Variants in GPM6B observed in about 807,000 individuals in gnomAD.
The protein encoded by GPM6B is neuronal membrane glycoprotein M6-b.
Under a neutral mutation model 27.2 loss-of-function variants are expected in GPM6B, and 4 were observed. The observed-to-expected ratio is 0.15, with a 90% CI of 0.07 to 0.34. The LOEUF (loss-of-function observed/expected upper bound fraction) is 0.34, where lower values mean the gene tolerates loss of function less well. GPM6B is among the 10% of genes least tolerant of loss of function. The pLI is 1.00. For synonymous variants in GPM6B, 124 were observed against 103.1 expected (o/e 1.20, Z -1.23); for missense variants, 183 against 261.9 (o/e 0.70, Z 2.08).
chrX:13,807,797 G>A, intron 1 of GPM6B, 28 bp from the exon 2 acceptor site: 1 of 1,170,593 alleles, frequency 8.5e-7, no homozygotes, highest in Non-Finnish European at 1.2e-6. Context: ...CAAAGAGTCA[G>A]TGTCTCTATC....
At chrX:13,929,364 A>T (rs1203264609) in intron 1 of GPM6B, among the ~76,000 whole-genome samples, 3 of 110,855 alleles carry the variant, frequency 2.7e-5, no homozygotes, top group Non-Finnish European at 3.8e-5. Flanking sequence ...TCCAAGGAAG[A>T]ATGACTTAGG....
intron 1 of GPM6B, among the ~76,000 whole-genome samples, chrX:13,829,815 T>C (rs16979296): frequency 0.04 from 4,428 of 110,817 alleles, 198 homozygotes; most frequent in African/African-American, 0.13. Context: ...CTGTAGGATA[T>C]TGCTAACACC....
intron 1 of GPM6B, among the ~76,000 whole-genome samples, chrX:13,936,258 T>A (rs1027753557): frequency 8.9e-6 from 1 of 112,381 alleles, no homozygotes; most frequent in Non-Finnish European, 1.9e-5. Context: ...TCTTTCAAGA[T>A]GTAATGAAAA....
At chrX:13,833,990 A>G (rs1046522898) in intron 1 of GPM6B, among the ~76,000 whole-genome samples, 2 of 112,784 alleles carry the variant, frequency 1.8e-5, no homozygotes, top group African/African-American at 6.4e-5. Flanking sequence ...GACATTTAAG[A>G]TGAAGGCACT....
chrX:13,864,453 G>A (rs2049886665), intron 1 of GPM6B, among the ~76,000 whole-genome samples: 1 of 112,781 alleles, frequency 8.9e-6, no homozygotes, highest in African/African-American at 3.2e-5. Context: ...TGCACATCAG[G>A]TGGTGGAGCC....
intron 1 of GPM6B, among the ~76,000 whole-genome samples, chrX:13,905,557 C>T (rs143250810): frequency 0.13 from 14,882 of 111,185 alleles, 770 homozygotes; most frequent in Admixed American, 0.19. Flanking sequence ...TGAAGATGAC[C>T]GCCTCCAAGA....
chrX:13,837,713 G>GT (rs2049516837), intron 1 of GPM6B, among the ~76,000 whole-genome samples: 2 of 63,787 alleles, frequency 3.1e-5, no homozygotes, highest in South Asian at 8.7e-4. Flanking sequence ...AAGTTGGTGG[G>GT]GGGGGGGGGG....
chrX:13,928,317 C>T (rs957085234), intron 1 of GPM6B, among the ~76,000 whole-genome samples: 3 of 112,277 alleles, frequency 2.7e-5, no homozygotes, highest in Admixed American at 9.4e-5. Flanking sequence ...GCCCACTTTT[C>T]GTGTACACAT....
chrX:13,837,662 C>T (rs1057329001), intron 1 of GPM6B, among the ~76,000 whole-genome samples: 1 of 104,461 alleles, frequency 9.6e-6, no homozygotes, highest in African/African-American at 3.4e-5. Context: ...TATTCCCCCC[C>T]TCCACACAAT....
At chrX:13,930,216 C>G (rs185630209) in intron 1 of GPM6B, among the ~76,000 whole-genome samples, 3 of 111,715 alleles carry the variant, frequency 2.7e-5, no homozygotes, top group East Asian at 2.8e-4. Flanking sequence ...GTCAACTTAC[C>G]TATCAGATAT....
intron 1 of GPM6B, among the ~76,000 whole-genome samples, chrX:13,851,231 C>T (rs993825179): frequency 7.3e-5 from 8 of 109,008 alleles, no homozygotes; most frequent in Admixed American, 9.8e-5. Flanking sequence ...ATTCCCATTC[C>T]AAGTCACTGA....
intron 1 of GPM6B, among the ~76,000 whole-genome samples, chrX:13,899,490 G>GAT: frequency 9.2e-6 from 1 of 109,054 alleles, no homozygotes; most frequent in Non-Finnish European, 1.9e-5. Flanking sequence ...AGGTTGTGGG[G>GAT]TGATAAAAAA....
chrX:13,848,893 T>C lies in GPM6B; in HGVS notation c.-197-63085A>G, dbSNP rs191013799. ...TCTGGCAATAAAAACAAAGTACTAA[T>C]ACATGGTACAATATGGATGAACCTG... is the stretch of plus-strand genomic sequence containing the variant. On this transcript the variant is annotated intron_variant, in intron 1 of 6. Coordinates refer to the GPM6B transcript ENST00000398361. Among the ~76,000 whole-genome samples, 22 of 112,059 alleles carry C rather than the reference T, an allele frequency of 2.0e-4. No homozygotes were observed. In the East Asian group the frequency reaches 5.8e-3, roughly 30 times the overall value.
intron 1 of GPM6B, among the ~76,000 whole-genome samples, chrX:13,920,816 C>A (rs6528027): frequency 3.7e-5 from 4 of 106,875 alleles, no homozygotes; most frequent in South Asian, 8.3e-4. Flanking sequence ...GTGTGAACCC[C>A]GGAGGCAGAG....
chrX:13,858,788 T>C (rs1013740401), intron 1 of GPM6B, among the ~76,000 whole-genome samples: 15 of 112,017 alleles, frequency 1.3e-4, no homozygotes, highest in African/African-American at 4.5e-4. Flanking sequence ...AATACTCACC[T>C]GCGACACATA....
At chrX:13,866,224 G>T (rs761685387) in intron 1 of GPM6B, among the ~76,000 whole-genome samples, 1 of 112,156 alleles carries the variant, frequency 8.9e-6, no homozygotes, top group Non-Finnish European at 1.9e-5. Context: ...TTAGCCGGGC[G>T]TGGTGGCACA....
At chrX:13,803,066 T>G (rs1369536429) in intron 2 of GPM6B, among the ~76,000 whole-genome samples, 1 of 111,819 alleles carries the variant, frequency 8.9e-6, no homozygotes, top group African/African-American at 3.3e-5. Context: ...AACCTTAGGT[T>G]AGGAAAGAGT....
At chrX:13,852,517 T>C (rs980047212) in intron 1 of GPM6B, among the ~76,000 whole-genome samples, 3 of 111,551 alleles carry the variant, frequency 2.7e-5, no homozygotes, top group Non-Finnish European at 5.6e-5. Flanking sequence ...TTTTAATAGT[T>C]ATTCAGAGCA....
At chrX:13,922,306 G>A (rs1345487063) in intron 1 of GPM6B, among the ~76,000 whole-genome samples, 1 of 111,358 alleles carries the variant, frequency 9.0e-6, no homozygotes, top group Non-Finnish European at 1.9e-5. Flanking sequence ...CCCATCCCCC[G>A]AATCTGTAAC....
Sources: gnomAD v4.1 joint callset for allele counts (sites outside exome capture counted in the v4.1 genomes callset) on GRCh38, gnomAD v4.1.1 for gene constraint, MANE v1.5 for transcripts, NCBI Gene and HGNC (gene_info 2026-07-23, HGNC 2026-07-21) for gene names.